ZNF320: variants seen among roughly 807,000 people sequenced by gnomAD.
ZNF320 encodes the protein zinc finger protein 320.
Under a neutral mutation model 6.8 loss-of-function variants are expected in ZNF320, and 2 were observed. The observed-to-expected ratio is 0.29, with a 90% CI of 0.12 to 0.93. The LOEUF (loss-of-function observed/expected upper bound fraction) is 0.93. Ranked by LOEUF, ZNF320 falls within the 40% of genes least tolerant of loss-of-function variation. The pLI, the probability that ZNF320 is intolerant of heterozygous loss-of-function variation, is 0.55. For missense variants in ZNF320, 472 were observed against 611.0 expected, an observed-to-expected ratio of 0.77 and a Z score of 2.40; for synonymous variants, 208 against 203.2, an observed-to-expected ratio of 1.02 and a Z score of -0.20.
intron 5 of ZNF320, among the ~76,000 whole-genome samples, chr19:52,885,084 C>T (rs1308716431): frequency 2.6e-5 from 4 of 152,052 alleles, no homozygotes; most frequent in Admixed American, 2.0e-4. Context: ...CGCCTGTAGT[C>T]CCAGCTACTT....
At chr19:52,860,747 G>T (rs1029210561), downstream of ZNF320, among the ~76,000 whole-genome samples, 3 of 152,136 alleles carry the variant, frequency 2.0e-5, no homozygotes, top group Non-Finnish European at 4.4e-5. Flanking sequence ...GTTTGTTCTT[G>T]CAGGTACTAT....
exon 6 of ZNF320, chr19:52,863,012 T>C (rs924005706): frequency 6.0e-6 from 1 of 167,954 alleles, no homozygotes; most frequent in Non-Finnish European, 1.3e-5. Context: ...CACAAACAAG[T>C]TGAAAGCCAC....
At chr19:52,897,199 G>A (rs2064500583) in intron 1 of ZNF320, among the ~76,000 whole-genome samples, 1 of 152,246 alleles carries the variant, frequency 6.6e-6, no homozygotes, top group South Asian at 2.1e-4. Context: ...CAAGGAGGGA[G>A]GTGGGGAGCG....
intron 5 of ZNF320, among the ~76,000 whole-genome samples, chr19:52,864,405 C>T (rs1184526227): frequency 1.3e-5 from 2 of 152,010 alleles, no homozygotes; most frequent in African/African-American, 2.4e-5. Flanking sequence ...TCTATAAATA[C>T]GTTAGATATT....
chr19:52,881,358 C>G lies in ZNF320; in HGVS notation c.768G>C (p.Gln256His), dbSNP rs927368921. ...KCNECGKTFS[Q>H]TSHLVYHHRL... is the part of the protein sequence containing the mutation. ...TATGATGGTACACAAGGTGTGATGT[C>G]TGACTAAAGGTCTTGCCACACTCAT... The change falls in exon 6 of 6, where the codon CAG becomes CAC. Residue 256 changes from glutamine (Q) to histidine (H), a missense_variant. By Grantham distance (24) the Gln-to-His change is conservative. This residue lies in a region of ZNF320 where 462 missense variants were observed against 559.7 expected (regional missense o/e 0.83). Transcript: ENST00000682928. The G allele has an allele frequency of 6.2e-7, 1 of 1,613,748 alleles. No individual in the cohort carries two copies. Among genetic ancestry groups the G allele is most frequent in the African/African-American group, 1.3e-5 (1 of 74,900 alleles).
Position 52,865,599 on chromosome 19 carries a change from A to ATATATGAGATTATACATATATATT in ZNF320, c.224-1464_224-1441dup, listed in dbSNP as rs1568693053. Among the ~76,000 whole-genome samples the ATATATGAGATTATACATATATATT allele has an allele frequency of 9.5e-4, 120 of 126,192 alleles. 5 individuals are homozygous for ATATATGAGATTATACATATATATT. Among genetic ancestry groups the ATATATGAGATTATACATATATATT allele is most frequent in the African/African-American group, 3.9e-3 (118 of 30,418 alleles). The allele number at this position is 126,192 out of a possible 152,430, so 82.8% of individuals were successfully genotyped here. A position where few individuals can be genotyped will look rare whatever the true frequency, so the allele number is the denominator to read the frequency against. On this transcript the variant is annotated intron_variant, in intron 5 of 5. Transcript: ENST00000673631. Reference sequence around the variant, plus strand: ...TATTTATATGATTATACATATATTTATATATGAGATTATACATATATATTT... The same window carrying ATATATGAGATTATACATATATATT: ...TATTTATATGATTATACATATATTTATATATGAGATTATACATATATATTTATATGAGATTATACATATATATTT...
rs73069497 is a variant in ZNF320, at chr19:52,894,398, C to A, written c.-269-542G>T. Among the ~76,000 whole-genome samples the A allele has an allele frequency of 6.5e-3, 427 of 65,814 alleles. 6 individuals carry two copies. The highest frequency in any genetic ancestry group is 0.013 in the East Asian group (30 of 2,342). 43.2% of individuals were successfully genotyped at this position (65,814 alleles called of 152,430 possible). A position where few individuals can be genotyped will look rare whatever the true frequency, so the allele number is the denominator to read the frequency against. ...GACTGTCTCAAAAAAAAAAAAAAAA[C>A]CAAAAAACAAAGAAAGAAAATTCCA... On this transcript the variant is annotated intron_variant, in intron 1 of 5. Transcript: ENST00000682928.
chr19:52,897,274 C>T (rs1456719019), intron 1 of ZNF320, among the ~76,000 whole-genome samples: 1 of 152,230 alleles, frequency 6.6e-6, no homozygotes, highest in Non-Finnish European at 1.5e-5. Flanking sequence ...CGCGGCCTCC[C>T]GGGAACCGGG....
In ZNF320 at chr19:52,862,480, T is replaced by C. The variant is rs1310651154; in HGVS notation, c.*1549A>G. The C allele has an allele frequency of 1.1e-5, 4 of 358,974 alleles. 1 individual carries two copies. Among genetic ancestry groups the C allele is most frequent in the African/African-American group, 2.1e-5 (1 of 47,142 alleles). The allele number at this position is 358,974 out of a possible 1,614,324, so 22.2% of individuals were successfully genotyped here. A position where few individuals can be genotyped will look rare whatever the true frequency, so the allele number is the denominator to read the frequency against. On this transcript the variant is annotated 3_prime_UTR_variant, in exon 6 of 6. Transcript: ENST00000673631. ...CAAGGTATGAATGATGACTGTAAAA[T>C]TGGCCACATTTATCACACTTGTAAG...
intron 5 of ZNF320, among the ~76,000 whole-genome samples, chr19:52,887,023 C>G (rs2052864): frequency 0.26 from 27,102 of 102,578 alleles, 2,909 homozygotes; most frequent in South Asian, 0.37. Context: ...AAAAACAAAA[C>G]AAAAGAAAAG....
downstream of ZNF320, chr19:52,874,114 C>T (rs185557140): frequency 1.3e-5 from 4 of 296,684 alleles, no homozygotes; most frequent in East Asian, 2.9e-4. Context: ...TTAGAAATCA[C>T]TCCCTCCTTT....
At position 52,870,955 on chromosome 19, in the gene ZNF320, A is replaced by G. The variant is rs562046629; in HGVS notation, c.223+3037T>C. ...AGGTCAGGATTTCCCGACCAGCCTGACCAATATGGTGAAATCCCATCTCTA... is the reference window on the plus strand; with the variant it reads ...AGGTCAGGATTTCCCGACCAGCCTGGCCAATATGGTGAAATCCCATCTCTA... On this transcript the variant is annotated intron_variant, in intron 5 of 5. Coordinates refer to the ZNF320 transcript ENST00000673631. 2.6e-4 allele frequency among the ~76,000 whole-genome samples: 40 copies of G among 151,748 alleles called. No individual in the cohort carries two copies. In the South Asian group the frequency reaches 2.7e-3, roughly 10 times the overall value.
intron 1 of ZNF320, chr19:52,894,359 G>A (rs904490490): frequency 2.7e-5 from 4 of 149,238 alleles, no homozygotes; most frequent in African/African-American, 7.5e-5. Context: ...ACTCCAGCCT[G>A]GGTGACAGAG....
Position 52,879,375 on chromosome 19 carries a change from GA to G in ZNF320, c.*1220del. On this transcript the variant is annotated 3_prime_UTR_variant, in exon 6 of 6. Coordinates refer to ENST00000682928, the MANE Select transcript of ZNF320 (RefSeq NM_001351774.2). ...AAACCACATCATCTCAATACATGGA[GA>G]AAAAGCATTTCACAAAATTCAACAT... 2 of 161,828 alleles carry G rather than the reference GA, an allele frequency of 1.2e-5. No individual in the cohort carries two copies. The highest frequency in any genetic ancestry group is 2.7e-5 in the Non-Finnish European group (2 of 74,980). 10.0% of individuals were successfully genotyped at this position (161,828 alleles called of 1,614,324 possible).
chr19:52,897,204 G>T (rs2064500674), intron 1 of ZNF320, among the ~76,000 whole-genome samples: 1 of 152,226 alleles, frequency 6.6e-6, no homozygotes, highest in Non-Finnish European at 1.5e-5. Flanking sequence ...AGGGAGGTGG[G>T]GAGCGACGGA....
At chr19:52,862,820 A>C (rs1416171781) in exon 6 of ZNF320, 1 of 347,044 alleles carries the variant, frequency 2.9e-6, no homozygotes, top group Non-Finnish European at 5.9e-6. Context: ...AAACGTTGTC[A>C]CATTCTTTAC....
At chr19:52,902,852 T>C in the ZNF320 span, among the ~76,000 whole-genome samples, 2 of 152,208 alleles carry the variant, frequency 1.3e-5, no homozygotes, top group African/African-American at 4.8e-5. Flanking sequence ...AAAAAACCTG[T>C]TGCATTTTTA....
At chr19:52,870,632 G>A (rs2063664353) in intron 5 of ZNF320, among the ~76,000 whole-genome samples, 1 of 151,958 alleles carries the variant, frequency 6.6e-6, no homozygotes, top group Non-Finnish European at 1.5e-5. Context: ...CACGTGTGGT[G>A]GTGCACACCT....
At position 52,879,301 on chromosome 19, in the gene ZNF320, T is replaced by C. The variant is rs2063845862; in HGVS notation, c.*1295A>G. 6.6e-6 allele frequency: 1 copy of C among 152,616 alleles called. No homozygotes were observed. The highest frequency in any genetic ancestry group is 6.5e-5 in the Admixed American group (1 of 15,284). The allele number at this position is 152,616 out of a possible 1,614,324, so 9.5% of individuals were successfully genotyped here. ...TTCTGGGATGCAAAATGGTTCAACA[T>C]AGTCAAGCAAATCAATGTGATATAC... On this transcript the variant is annotated 3_prime_UTR_variant, in exon 6 of 6. Coordinates refer to ENST00000682928, the MANE Select transcript of ZNF320 (RefSeq NM_001351774.2).
Sources: allele counts gnomAD v4.1 joint callset (sites outside exome capture counted in the v4.1 genomes callset), GRCh38; gene constraint gnomAD v4.1.1; regional missense constraint gnomAD v4.1.1; transcripts MANE v1.5; gene names NCBI Gene and HGNC (gene_info 2026-07-23, HGNC 2026-07-21).